RFWD3: variants seen among roughly 807,000 people sequenced by gnomAD.
RFWD3 encodes ring finger and WD repeat domain 3, also known as E3 ubiquitin-protein ligase RFWD3.
Under a neutral mutation model 87.7 loss-of-function variants are expected in RFWD3, and 65 were observed. That is an observed-to-expected ratio of 0.74 (90% CI 0.61 to 0.91). RFWD3 has a LOEUF of 0.91. Among genes scored for constraint, RFWD3 ranks in the 40% least tolerant of loss-of-function variants. The pLI, the probability that RFWD3 is intolerant of heterozygous loss-of-function variation, is 0.00. For synonymous variants in RFWD3, 433 were observed against 352.8 expected, an observed-to-expected ratio of 1.23 and a Z score of -2.55; for missense variants, 1,078 against 938.5, an observed-to-expected ratio of 1.15 and a Z score of -1.94.
At position 74,633,274 on chromosome 16, in the gene RFWD3, T is replaced by C. The variant is rs1176560004; in HGVS notation, c.1427-601A>G. On this transcript the variant is annotated intron_variant, in intron 8 of 12. Transcript: ENST00000361070. ...CGTGGGCAACCAGAGCAAAACTCCG[T>C]CTCAGAAAAAAAAAAAAAAGAAAAG... is the stretch of plus-strand genomic sequence containing the variant. Among the ~76,000 whole-genome samples the C allele has an allele frequency of 3.0e-5, 3 of 98,802 alleles. No individual in the cohort carries two copies. The East Asian group carries it at 9.2e-4, about 30-fold the overall frequency. The allele number at this position is 98,802 out of a possible 152,430, so 64.8% of individuals were successfully genotyped here. A position where few individuals can be genotyped will look rare whatever the true frequency, so the allele number is the denominator to read the frequency against.
chr16:74,648,245 AAAT>A (rs1473466619), intron 4 of RFWD3, among the ~76,000 whole-genome samples: 2 of 151,928 alleles, frequency 1.3e-5, no homozygotes, highest in African/African-American at 4.8e-5. Context: ...GCAGTCACAC[AAAT>A]AATGAGTAAC....
rs1959933672 is a variant in RFWD3 at position 74,644,384 on chromosome 16, T to C, written c.1057A>G (p.Ser353Gly). ...TACCTTTTCATGCGCTCCTGTTCAC[T>C]AGTGTCCAAAGCTCTCAGGGTTCGG... ...YARTLRALDT[S>G]EQERMKSSLL... Residue 353 changes from serine (S) to glycine (G), a missense_variant, in exon 6 of 13, where the codon AGT becomes GGT. Physicochemically the swap from Ser to Gly is moderately conservative, Grantham distance 56. Transcript: ENST00000361070. 3 of 1,614,214 alleles carry C rather than the reference T, an allele frequency of 1.9e-6. No individual in the cohort carries two copies. Among genetic ancestry groups the C allele is most frequent in the African/African-American group, 1.3e-5 (1 of 75,062 alleles).
intron 6 of RFWD3, among the ~76,000 whole-genome samples, chr16:74,639,125 G>C (rs578219739): frequency 7.0e-6 from 1 of 143,124 alleles, no homozygotes; most frequent in Admixed American, 7.5e-5. Context: ...GGCTACCTCC[G>C]CCCCCCGGGT....
chr16:74,653,650 T>TA (rs925812813), intron 2 of RFWD3, among the ~76,000 whole-genome samples: 3 of 151,616 alleles, frequency 2.0e-5, no homozygotes, highest in African/African-American at 4.8e-5. Flanking sequence ...CCATCTCTAT[T>TA]AAAAAAAAAT....
chr16:74,663,993 C>T (rs1229774646), intron 1 of RFWD3, among the ~76,000 whole-genome samples: 2 of 152,214 alleles, frequency 1.3e-5, no homozygotes, highest in Non-Finnish European at 2.9e-5. Context: ...AGCCCTTCTC[C>T]CCCTATGCAC....
At chr16:74,628,319 G>T in intron 11 of RFWD3, 133 bp downstream of exon 11, 1 of 773,368 alleles carries the variant, frequency 1.3e-6, no homozygotes, top group Non-Finnish European at 2.1e-6. Context: ...CCCTGTAGTA[G>T]CAAGAGCTAC....
chr16:74,657,878 G>A (rs1218999265), intron 2 of RFWD3, among the ~76,000 whole-genome samples: 1 of 152,150 alleles, frequency 6.6e-6, no homozygotes, highest in Non-Finnish European at 1.5e-5. Flanking sequence ...CATAAGAAAA[G>A]CATTTCATAA....
intron 6 of RFWD3, 54 bp downstream of exon 6, chr16:74,644,308 G>A: frequency 6.5e-7 from 1 of 1,548,350 alleles, no homozygotes; most frequent in Non-Finnish European, 8.9e-7. Context: ...TTTCAGATGT[G>A]CCTACAATGA....
At chr16:74,632,321 G>A (rs1453701710) in intron 9 of RFWD3, among the ~76,000 whole-genome samples, 1 of 151,856 alleles carries the variant, frequency 6.6e-6, no homozygotes, top group Non-Finnish European at 1.5e-5. Context: ...GAACCCGGAA[G>A]GTGGAGCTTG....
At chr16:74,653,160 G>A (rs952444167) in intron 2 of RFWD3, among the ~76,000 whole-genome samples, 1 of 152,052 alleles carries the variant, frequency 6.6e-6, no homozygotes, top group Non-Finnish European at 1.5e-5. Context: ...TTAACATGGT[G>A]AAACCCCATC....
chr16:74,636,218 G>T, intron 8 of RFWD3, 128 bp downstream of exon 8: 1 of 768,076 alleles, frequency 1.3e-6, no homozygotes, highest in Non-Finnish European at 2.1e-6. Flanking sequence ...TGGGGTACTT[G>T]CATTAACAAG....
Position 74,626,334 on chromosome 16 carries a change from C to G in RFWD3, c.2181+9G>C, listed in dbSNP as rs767986935. ...TTTTTATATGAAAGTAAAAAAGTAA[C>G]AGGCTCACCAGGGCAGAATTTGCTG... On this transcript the variant is annotated intron_variant, in intron 12 of 12. Coordinates refer to ENST00000361070, the MANE Select transcript of RFWD3 (RefSeq NM_018124.4). 14 of 1,610,164 alleles carry G rather than the reference C, an allele frequency of 8.7e-6. No individual in the cohort carries two copies. The highest frequency in any genetic ancestry group is 1.7e-5 in the Admixed American group (1 of 59,792).
At chr16:74,637,520 G>A (rs553270139) in intron 7 of RFWD3, among the ~76,000 whole-genome samples, 2 of 152,010 alleles carry the variant, frequency 1.3e-5, no homozygotes, top group Non-Finnish European at 2.9e-5. Flanking sequence ...CCAGCACCTC[G>A]AGATGCTGAG....
chr16:74,637,712 C>G (rs1959265056), intron 7 of RFWD3, 144 bp downstream of exon 7: 1 of 587,234 alleles, frequency 1.7e-6, no homozygotes, highest in East Asian at 3.1e-5. Context: ...ATGCCCTAAT[C>G]AGAAATAAAA....
intron 11 of RFWD3, among the ~76,000 whole-genome samples, chr16:74,627,179 A>G (rs1173773413): frequency 6.6e-6 from 1 of 152,216 alleles, no homozygotes; most frequent in Non-Finnish European, 1.5e-5. Flanking sequence ...AAACATGAGT[A>G]GACCCACCCA....
Position 74,661,228 on chromosome 16 carries a change from C to G in RFWD3, c.222G>C (p.Pro74=). 4 of 1,614,200 alleles carry G rather than the reference C, an allele frequency of 2.5e-6. No individual in the cohort carries two copies. Among genetic ancestry groups the G allele is most frequent in the Non-Finnish European group, 3.4e-6 (4 of 1,180,040 alleles). The change falls in exon 2 of 13, where the codon CCG becomes CCC. Residue 74 remains proline, a synonymous_variant. Transcript: ENST00000361070. ...QATPPLLQPA[P]QLSVDLTEVE... ...CTTCTGTCAGGTCAACAGACAGTTGCGGAGCAGGCTGGAGCAGGGGTGGTG... is the reference window on the plus strand; with the variant it reads ...CTTCTGTCAGGTCAACAGACAGTTGGGGAGCAGGCTGGAGCAGGGGTGGTG...
intron 8 of RFWD3, 110 bp downstream of exon 8, chr16:74,636,236 T>A (rs981762219): frequency 2.1e-6 from 2 of 934,118 alleles, no homozygotes; most frequent in African/African-American, 3.3e-5. Flanking sequence ...AAGGAACTAA[T>A]AGGGAAAGGT....
chr16:74,653,243 G>A (rs913511277), intron 2 of RFWD3, among the ~76,000 whole-genome samples: 6 of 152,172 alleles, frequency 3.9e-5, no homozygotes, highest in African/African-American at 1.2e-4. Flanking sequence ...GGAGGCCAAG[G>A]TGGGAGGATG....
intron 12 of RFWD3, among the ~76,000 whole-genome samples, chr16:74,625,470 C>G (rs374982151): frequency 6.6e-6 from 1 of 151,130 alleles, no homozygotes; most frequent in Non-Finnish European, 1.5e-5. Context: ...GCCGAGATTG[C>G]GCCTCTGCAC....
Sources: gnomAD v4.1 joint callset for allele counts (sites outside exome capture counted in the v4.1 genomes callset) on GRCh38, gnomAD v4.1.1 for gene constraint, MANE v1.5 for transcripts, NCBI Gene and HGNC (gene_info 2026-07-23, HGNC 2026-07-21) for gene names.